GUCY2C: variants seen among roughly 807,000 people sequenced by gnomAD.
GUCY2C encodes the protein guanylate cyclase 2C.
Under a neutral mutation model 131.1 loss-of-function variants are expected in GUCY2C, and 118 were observed. The observed-to-expected ratio is 0.90, with a 90% CI of 0.78 to 1.05. The LOEUF is 1.05. Ranked by LOEUF, GUCY2C falls within the 50% of genes least tolerant of loss-of-function variation. The pLI, the probability that GUCY2C is intolerant of heterozygous loss-of-function variation, is 0.00. For synonymous variants in GUCY2C, 452 were observed against 457.8 expected (o/e 0.99, Z 0.16); for missense variants, 1,161 against 1,304.4 (o/e 0.89, Z 1.69).
intron 10 of GUCY2C, among the ~76,000 whole-genome samples, chr12:14,669,121 A>G (rs1420512556): frequency 1.3e-5 from 2 of 152,184 alleles, no homozygotes; most frequent in Non-Finnish European, 2.9e-5. Flanking sequence ...CTGTGGAATA[A>G]TTTATGTCAA....
chr12:14,614,325 TC>T (rs2136965383), intron 26 of GUCY2C, among the ~76,000 whole-genome samples: 1 of 152,298 alleles, frequency 6.6e-6, no homozygotes, highest in Non-Finnish European at 1.5e-5. Flanking sequence ...AACTTTTAAC[TC>T]ATTCTTGTCT....
intron 26 of GUCY2C, chr12:14,614,579 A>G (rs1270589304): frequency 6.0e-6 from 2 of 334,012 alleles, no homozygotes; most frequent in Admixed American, 5.3e-5. Flanking sequence ...AGGTAGTTTT[A>G]TACTGAGCCC....
chr12:14,641,756 G>A (rs1044234877), intron 17 of GUCY2C, among the ~76,000 whole-genome samples: 1 of 152,062 alleles, frequency 6.6e-6, no homozygotes, highest in Admixed American at 6.6e-5. Flanking sequence ...GGCCAATATG[G>A]TGAAACCCTG....
rs189017378 is a variant in GUCY2C, at chr12:14,666,769, A to G, written c.1282+2953T>C. On this transcript the variant is annotated intron_variant, in intron 10 of 26. Coordinates refer to ENST00000261170, the MANE Select transcript of GUCY2C (RefSeq NM_004963.4). ...AAAAAAAGAGTAAGAAAAGAAAAGA[A>G]AAAGCCTTACTGAGGACTCCTGTAC... 3.1e-3 allele frequency among the ~76,000 whole-genome samples: 471 copies of G among 151,942 alleles called. 1 individual carries two copies. Among genetic ancestry groups the G allele is most frequent in the Non-Finnish European group, 4.8e-3 (327 of 67,918 alleles).
At chr12:14,666,539 A>T (rs1947983781) in intron 10 of GUCY2C, among the ~76,000 whole-genome samples, 1 of 152,180 alleles carries the variant, frequency 6.6e-6, no homozygotes, top group South Asian at 2.1e-4. Flanking sequence ...GTTCCAGACC[A>T]GCCAGCCCAA....
At chr12:14,618,376 A>G (rs1242860854) in intron 24 of GUCY2C, among the ~76,000 whole-genome samples, 2 of 152,064 alleles carry the variant, frequency 1.3e-5, no homozygotes, top group South Asian at 4.1e-4. Context: ...TTAGCTGTGC[A>G]TGGTGGCATG....
intron 5 of GUCY2C, among the ~76,000 whole-genome samples, chr12:14,681,087 A>T (rs1281199972): frequency 1.3e-5 from 2 of 152,164 alleles, no homozygotes; most frequent in Non-Finnish European, 2.9e-5. Flanking sequence ...ATTTGGGTTT[A>T]TAAAAGCCGG....
Position 14,676,991 on chromosome 12 carries a change from T to C in GUCY2C, c.831-20A>G. ...TGGTCACTGTAATAAAAAGCACAGG[T>C]TCCTCATGAAAATTAGGAAAAATAG... is the stretch of plus-strand genomic sequence containing the variant. On this transcript the variant is annotated intron_variant, in intron 6 of 26. Transcript: ENST00000261170. The C allele has an allele frequency of 1.1e-6, 1 of 896,646 alleles. No homozygotes were observed. Among genetic ancestry groups the C allele is most frequent in the Non-Finnish European group, 1.7e-6 (1 of 592,418 alleles). The allele number at this position is 896,646 out of a possible 1,614,324, so 55.5% of individuals were successfully genotyped here. A position where few individuals can be genotyped will look rare whatever the true frequency, so the allele number is the denominator to read the frequency against.
chr12:14,640,033 T>C, intron 18 of GUCY2C, 83 bp from the exon 19 acceptor site: 2 of 904,598 alleles, frequency 2.2e-6, no homozygotes, highest in Non-Finnish European at 3.7e-6. Context: ...ATCCAGTTGA[T>C]TCACTCCCCT....
intron 10 of GUCY2C, among the ~76,000 whole-genome samples, chr12:14,662,038 A>G (rs1473331574): frequency 6.6e-6 from 1 of 152,144 alleles, no homozygotes; most frequent in African/African-American, 2.4e-5. Flanking sequence ...GGACAGCAAC[A>G]AGAAGACTGC....
chr12:14,634,720 CATCTT>C (rs1246127613), intron 19 of GUCY2C, among the ~76,000 whole-genome samples: 3 of 152,244 alleles, frequency 2.0e-5, no homozygotes, highest in Admixed American at 1.3e-4. Flanking sequence ...ACAAGAAACT[CATCTT>C]ATCTGTAAAG....
intron 3 of GUCY2C, among the ~76,000 whole-genome samples, chr12:14,684,572 C>G (rs559237477): frequency 5.0e-4 from 4 of 7,978 alleles, no homozygotes; most frequent in South Asian, 0.012. Flanking sequence ...TCCCTTCCTT[C>G]CTTCCTTCCT....
intron 19 of GUCY2C, among the ~76,000 whole-genome samples, chr12:14,633,359 T>G (rs915769397): frequency 2.0e-5 from 3 of 152,078 alleles, no homozygotes; most frequent in African/African-American, 7.2e-5. Context: ...GCACCCAGAA[T>G]CAAAGCCAAA....
At chr12:14,643,381 C>T (rs1403150789) in intron 17 of GUCY2C, among the ~76,000 whole-genome samples, 193 bp downstream of exon 17, 2 of 152,238 alleles carry the variant, frequency 1.3e-5, no homozygotes, top group East Asian at 1.9e-4. Flanking sequence ...AGGAAATCCA[C>T]AGAGGACATT....
At chr12:14,669,367 G>C (rs1181058025) in intron 10 of GUCY2C, among the ~76,000 whole-genome samples, 1 of 151,438 alleles carries the variant, frequency 6.6e-6, no homozygotes, top group African/African-American at 2.4e-5. Context: ...ACTATGCCTG[G>C]GTAATTTTTT....
chr12:14,674,811 T>C lies in GUCY2C; in HGVS notation c.949-51A>G. The C allele has an allele frequency of 1.4e-6, 2 of 1,421,992 alleles. 1 individual carries two copies. Among genetic ancestry groups the C allele is most frequent in the Non-Finnish European group, 1.9e-6 (2 of 1,036,700 alleles). 88.1% of individuals were successfully genotyped at this position (1,421,992 alleles called of 1,614,324 possible). On this transcript the variant is annotated intron_variant, in intron 7 of 26. Transcript: ENST00000261170. The stretch of plus-strand genomic sequence containing the variant: ...ACGGGTCCTTCAAAAAAGAATCTTG[T>C]CTTGAGCCTAGAACAAAAGGTTGTT...
At chr12:14,625,621 C>G in intron 21 of GUCY2C, 136 bp downstream of exon 21, 1 of 851,350 alleles carries the variant, frequency 1.2e-6, no homozygotes, top group Non-Finnish European at 1.8e-6. Flanking sequence ...GCGTGAGCCT[C>G]CGTGCCTGGC....
chr12:14,696,218 T>C lies in GUCY2C; in HGVS notation c.217+14A>G, dbSNP rs752927373. On this transcript the variant is annotated intron_variant, in intron 1 of 26. Transcript: ENST00000261170. ...GTAACAGAGTGGAGGAAGATTCTAT[T>C]AACATTTTCTTACCAGCATTTTGCA... 2 of 1,596,254 alleles carry C rather than the reference T, an allele frequency of 1.3e-6. No individual in the cohort carries two copies. Among genetic ancestry groups the C allele is most frequent in the South Asian group, 2.2e-5 (2 of 90,688 alleles).
intron 10 of GUCY2C, among the ~76,000 whole-genome samples, chr12:14,668,886 G>A (rs74068062): frequency 0.056 from 8,593 of 152,126 alleles, 296 homozygotes; most frequent in Middle Eastern, 0.1. Context: ...GACATGATAG[G>A]ACCTAATCTT....
Sources: allele counts gnomAD v4.1 joint callset (sites outside exome capture counted in the v4.1 genomes callset), GRCh38; gene constraint gnomAD v4.1.1; transcripts MANE v1.5; gene names NCBI Gene and HGNC (gene_info 2026-07-23, HGNC 2026-07-21).